Variants in QTMAN observed in about 807,000 individuals in gnomAD.
QTMAN encodes queuosine-tRNA mannosyltransferase.
chr2:144,110,433 C>G, the QTMAN span, among the ~76,000 whole-genome samples: 3 of 152,074 alleles, frequency 2.0e-5, no homozygotes, highest in East Asian at 5.8e-4. Context: ...GGAGATATAC[C>G]TAATGTAAAT....
chr2:144,131,927 G>A, the QTMAN span, among the ~76,000 whole-genome samples: 2 of 151,860 alleles, frequency 1.3e-5, no homozygotes, highest in African/African-American at 2.4e-5. Context: ...CCCAGAAAAG[G>A]CACTTGATAA....
the QTMAN span, among the ~76,000 whole-genome samples, chr2:144,186,754 T>C: frequency 2.7e-4 from 41 of 152,252 alleles, no homozygotes; most frequent in Non-Finnish European, 4.6e-4. Flanking sequence ...AAACCTGTTA[T>C]TGATTTTCTT....
chr2:143,951,845 G>A, the QTMAN span: 1 of 576,832 alleles, frequency 1.7e-6, no homozygotes, highest in South Asian at 2.3e-5. Flanking sequence ...ATTAATCCTT[G>A]TTAGTGTAAC....
the QTMAN span, among the ~76,000 whole-genome samples, chr2:144,192,459 A>G: frequency 6.6e-6 from 1 of 152,146 alleles, no homozygotes; most frequent in African/African-American, 2.4e-5. Context: ...CTGTCAAAAA[A>G]GTAGGGAGGT....
the QTMAN span, among the ~76,000 whole-genome samples, chr2:144,250,782 T>C: frequency 4.0e-5 from 6 of 148,250 alleles, no homozygotes; most frequent in Non-Finnish European, 8.9e-5. Context: ...ACCTGTGCCA[T>C]GTATTTATTA....
chr2:144,099,469 A>G, the QTMAN span, among the ~76,000 whole-genome samples: 1 of 152,198 alleles, frequency 6.6e-6, no homozygotes, highest in Non-Finnish European at 1.5e-5. Context: ...TGTCCAGAGT[A>G]ACGAAAGGAC....
chr2:144,096,233 A>G, the QTMAN span, among the ~76,000 whole-genome samples: 6 of 152,170 alleles, frequency 3.9e-5, no homozygotes, highest in Non-Finnish European at 8.8e-5. Flanking sequence ...ACAAACCACA[A>G]ATGAAAGTAC....
At chr2:144,050,144 G>C in the QTMAN span, among the ~76,000 whole-genome samples, 1 of 151,942 alleles carries the variant, frequency 6.6e-6, no homozygotes, top group Non-Finnish European at 1.5e-5. Flanking sequence ...TTCTTCCATT[G>C]TCGTATTTTT....
chr2:143,984,630 G>T, the QTMAN span, among the ~76,000 whole-genome samples: 1 of 152,280 alleles, frequency 6.6e-6, no homozygotes, highest in African/African-American at 2.4e-5. Flanking sequence ...CCACCTGAAT[G>T]TTGCCTTTTG....
chr2:144,030,599 G>A, the QTMAN span, among the ~76,000 whole-genome samples: 1 of 152,080 alleles, frequency 6.6e-6, no homozygotes, highest in Non-Finnish European at 1.5e-5. Flanking sequence ...ATAGACTTAA[G>A]GCTGGTTCTC....
At chr2:144,075,071 T>C in the QTMAN span, among the ~76,000 whole-genome samples, 1 of 152,224 alleles carries the variant, frequency 6.6e-6, no homozygotes, top group African/African-American at 2.4e-5. Context: ...TTGTAATTAG[T>C]ATTATAATTG....
chr2:144,136,335 G>A, the QTMAN span, among the ~76,000 whole-genome samples: 1 of 148,760 alleles, frequency 6.7e-6, no homozygotes, highest in African/African-American at 2.5e-5. Flanking sequence ...AAAGAGGGGA[G>A]GGGAGGGGAG....
chr2:144,186,601 T>C, the QTMAN span, among the ~76,000 whole-genome samples: 1 of 152,330 alleles, frequency 6.6e-6, no homozygotes, highest in East Asian at 1.9e-4. Flanking sequence ...TGTCACACTT[T>C]CTAGCTGAAA....
chr2:144,322,499 CA>C, the QTMAN span, among the ~76,000 whole-genome samples: 1 of 151,982 alleles, frequency 6.6e-6, no homozygotes, highest in Non-Finnish European at 1.5e-5. Flanking sequence ...AAAAGCTTTG[CA>C]AATTTCTTTC....
the QTMAN span, among the ~76,000 whole-genome samples, chr2:144,225,022 C>T: frequency 1.3e-5 from 2 of 152,164 alleles, no homozygotes; most frequent in Non-Finnish European, 2.9e-5. Flanking sequence ...ATGTGGCAGA[C>T]ATCATTAGCT....
chr2:144,327,576 G>C, the QTMAN span, among the ~76,000 whole-genome samples: 1 of 152,178 alleles, frequency 6.6e-6, no homozygotes, highest in Admixed American at 6.5e-5. Context: ...TGAATCCAGG[G>C]TGTCCTAGAG....
chr2:144,187,919 A>T, the QTMAN span, among the ~76,000 whole-genome samples: 1 of 152,182 alleles, frequency 6.6e-6, no homozygotes, highest in Non-Finnish European at 1.5e-5. Context: ...TTTTCCTTAT[A>T]AAAAAGGACA....
At chr2:144,058,692 C>T in the QTMAN span, among the ~76,000 whole-genome samples, 1 of 152,146 alleles carries the variant, frequency 6.6e-6, no homozygotes, top group Admixed American at 6.5e-5. Flanking sequence ...TCCAGGGACG[C>T]TCCAAACTCC....
At chr2:144,045,519 G>C in the QTMAN span, among the ~76,000 whole-genome samples, 1 of 152,170 alleles carries the variant, frequency 6.6e-6, no homozygotes, top group Non-Finnish European at 1.5e-5. Flanking sequence ...ATAATGCAGG[G>C]AGCAAAGCAG....
Sources: allele counts gnomAD v4.1 joint callset (sites outside exome capture counted in the v4.1 genomes callset), GRCh38; gene constraint gnomAD v4.1.1; transcripts MANE v1.5; gene names NCBI Gene and HGNC (gene_info 2026-07-23, HGNC 2026-07-21).